KAZN: variants seen among roughly 807,000 people sequenced by gnomAD.
KAZN encodes kazrin.
KAZN carries 40 observed loss-of-function variants against 87.4 expected under a neutral mutation model. That is an observed-to-expected ratio of 0.46 (90% CI 0.36 to 0.60). The LOEUF is 0.60. Among genes scored for constraint, KAZN ranks in the 20% least tolerant of loss-of-function variants. The pLI, the probability that KAZN is intolerant of heterozygous loss-of-function variation, is 0.00. For synonymous variants in KAZN, 466 were observed against 458.3 expected (o/e 1.02, Z -0.22); for missense variants, 898 against 1,073.9 (o/e 0.84, Z 2.29).
chr1:14,383,932 T>G (rs1342635827), intron 2 of KAZN, among the ~76,000 whole-genome samples: 1 of 152,128 alleles, frequency 6.6e-6, no homozygotes, highest in Admixed American at 6.5e-5. Context: ...CAATATTGAT[T>G]CTTCCTACCC....
intron 1 of KAZN, among the ~76,000 whole-genome samples, chr1:14,031,261 A>C (rs1641316780): frequency 6.6e-6 from 1 of 152,248 alleles, no homozygotes; most frequent in Non-Finnish European, 1.5e-5. Context: ...ATAGGGACCC[A>C]CATTAATATA....
chr1:15,056,125 T>A lies in KAZN; in HGVS notation c.761T>A (p.Val254Asp), dbSNP rs1326370092. Residue 254 changes from valine to aspartate, a missense_variant, in exon 5 of 15, where the codon GTC (valine) becomes GAC (aspartate). Physicochemically the swap from Val to Asp is radical, Grantham distance 152. This residue lies in a region of KAZN where 521 missense variants were observed against 689.4 expected (regional missense o/e 0.76). Transcript: ENST00000376030. The surrounding 1 kb of genome is among the most constrained non-coding windows in gnomAD (Gnocchi z 5.4). ...TCCTTAGCTACGCTGACCAAGGACG[T>A]CCCCAAGCGGCATTCCCTCGCCATG... ...KQSLATLTKD[V>D]PKRHSLAMPG... The A allele has an allele frequency of 6.2e-7, 1 of 1,613,768 alleles. No homozygotes were observed. The highest frequency in any genetic ancestry group is 8.5e-7 in the Non-Finnish European group (1 of 1,179,696).
At chr1:14,326,995 G>T (rs1190360929) in intron 2 of KAZN, among the ~76,000 whole-genome samples, 3 of 152,096 alleles carry the variant, frequency 2.0e-5, no homozygotes, top group Non-Finnish European at 2.9e-5. Flanking sequence ...TCCAACATCA[G>T]CTCTATGAGA....
chr1:14,520,848 C>G (rs1671548574), intron 2 of KAZN, among the ~76,000 whole-genome samples: 1 of 152,176 alleles, frequency 6.6e-6, no homozygotes, highest in Non-Finnish European at 1.5e-5. Context: ...AATGAAAGAG[C>G]TGAACCAAAG....
chr1:14,645,216 G>GT (rs2148683356), intron 1 of KAZN, among the ~76,000 whole-genome samples: 1 of 152,276 alleles, frequency 6.6e-6, no homozygotes, highest in South Asian at 2.1e-4. Flanking sequence ...TTGTAGTATA[G>GT]TTTGAAGTCA....
intron 1 of KAZN, among the ~76,000 whole-genome samples, chr1:13,945,167 G>T (rs561848677): frequency 6.6e-6 from 1 of 152,234 alleles, no homozygotes; most frequent in Admixed American, 6.5e-5. Flanking sequence ...CTATCTGGAA[G>T]ATATGAATAA....
chr1:14,040,091 G>GTGC (rs1491212171), intron 1 of KAZN, among the ~76,000 whole-genome samples: 17 of 111,966 alleles, frequency 1.5e-4, no homozygotes, highest in African/African-American at 3.7e-4. Context: ...GTGTGTGTGT[G>GTGC]AGAGAGAGAG....
chr1:14,121,556 C>T (rs1041888894), intron 1 of KAZN, among the ~76,000 whole-genome samples: 5 of 152,140 alleles, frequency 3.3e-5, no homozygotes, highest in Admixed American at 2.0e-4. Context: ...CTAACAAACA[C>T]GTTTTAAAAA....
Position 15,056,511 on chromosome 1 carries a change from C to T in KAZN, c.916+231C>T, listed in dbSNP as rs894659787. 6.6e-6 allele frequency among the ~76,000 whole-genome samples: 1 copy of T among 151,896 alleles called. No individual in the cohort carries two copies. The highest frequency in any genetic ancestry group is 2.4e-5 in the African/African-American group (1 of 41,420). ...CTCTGACCGTCTCTCCATCTCTTAG[C>T]TCTGCCCACCTCCTTTTGGCCTCAT... On this transcript the variant is annotated intron_variant, in intron 5 of 14. Transcript: ENST00000376030. The surrounding 1 kb of genome is among the most constrained non-coding windows in gnomAD (Gnocchi z 5.4).
At chr1:14,989,898 A>G (rs1667185237) in intron 2 of KAZN, among the ~76,000 whole-genome samples, 1 of 152,216 alleles carries the variant, frequency 6.6e-6, no homozygotes, top group Admixed American at 6.5e-5. Flanking sequence ...TGGCTGCAGA[A>G]GGCGCTTTGC....
At position 14,514,354 on chromosome 1, in the gene KAZN, TATATATATATTTATATATATAA is replaced by T. The variant is rs1671100540; in HGVS notation, c.250-84628_250-84607del. ...AATTTATATATATATTTATATATAT[TATATATATATTTATATATATAA>T]TATATATATATTATATATATTTATA... On this transcript the variant is annotated intron_variant, in intron 2 of 16. Transcript: ENST00000636203. Among the ~76,000 whole-genome samples the T allele has an allele frequency of 1.7e-3, 19 of 10,972 alleles. 4 individuals carry two copies. Among genetic ancestry groups the T allele is most frequent in the African/African-American group, 6.0e-3 (17 of 2,840 alleles). 7.2% of individuals were successfully genotyped at this position (10,972 alleles called of 152,430 possible).
chr1:14,632,604 TCTA>T (rs1679652007), intron 1 of KAZN, among the ~76,000 whole-genome samples: 1 of 151,416 alleles, frequency 6.6e-6, no homozygotes, highest in Admixed American at 6.6e-5. Context: ...TCATTGGAAT[TCTA>T]CTCATTTTCC....
intron 2 of KAZN, among the ~76,000 whole-genome samples, chr1:14,583,790 G>A (rs1322514639): frequency 2.6e-5 from 4 of 152,144 alleles, no homozygotes; most frequent in Admixed American, 1.3e-4. Context: ...TGATGATCGC[G>A]TTTATTCCTC....
chr1:15,014,414 G>C (rs1231847026), intron 2 of KAZN, among the ~76,000 whole-genome samples: 1 of 152,110 alleles, frequency 6.6e-6, no homozygotes, highest in Admixed American at 6.5e-5. Flanking sequence ...GCGGAGGCTG[G>C]GTATGGTTAT....
chr1:13,972,298 C>G, intron 1 of KAZN, among the ~76,000 whole-genome samples: 1 of 140,508 alleles, frequency 7.1e-6, no homozygotes, highest in Non-Finnish European at 1.5e-5. Flanking sequence ...TTTTGAGACA[C>G]AGTCTTGCTT....
At position 14,692,670 on chromosome 1, in the gene KAZN, G is replaced by A. The variant is rs116247107; in HGVS notation, c.226+93447G>A. The A allele has an allele frequency of 5.7e-3, 874 of 152,530 alleles. 6 individuals carry two copies. Among genetic ancestry groups the A allele is most frequent in the Non-Finnish European group, 8.9e-3 (605 of 68,180 alleles). The allele number at this position is 152,530 out of a possible 1,614,324, so 9.4% of individuals were successfully genotyped here. ...GCAGAGGCTGGGTGCAGTGCCTCAC[G>A]CCTGTAATCCCAATGCTTTGGGAGG... On this transcript the variant is annotated intron_variant, in intron 1 of 14. Coordinates refer to ENST00000376030, the MANE Select transcript of KAZN (RefSeq NM_201628.3).
Position 14,735,091 on chromosome 1 carries a change from G to A in KAZN, c.226+135868G>A, listed in dbSNP as rs1439060748. On this transcript the variant is annotated intron_variant, in intron 1 of 14. Transcript: ENST00000376030. This position sits in a 1 kb window ranked among gnomAD's most constrained non-coding sequence, Gnocchi z 4.3. ...TTGTTTTGTTTTGAGACGGAGTCTCGCTCTTTCGCCCAGGCCGGACTGTAG... is the reference window on the plus strand; with the variant it reads ...TTGTTTTGTTTTGAGACGGAGTCTCACTCTTTCGCCCAGGCCGGACTGTAG... Among the ~76,000 whole-genome samples, 3 of 151,892 alleles carry A rather than the reference G, an allele frequency of 2.0e-5. No homozygotes were observed. Among genetic ancestry groups the A allele is most frequent in the Middle Eastern group, 3.4e-3 (1 of 292 alleles).
In KAZN at chr1:14,883,355, AAAAGAAAGAAAG is replaced by A. The variant is rs1244741160; in HGVS notation, c.227-77269_227-77258del. On this transcript the variant is annotated intron_variant, in intron 1 of 14. Coordinates refer to ENST00000376030, the MANE Select transcript of KAZN (RefSeq NM_201628.3). ...GAGAGAGAGAGAGAAAGAAAGAAAG[AAAAGAAAGAAAG>A]AAAGAAAGAAAGAAAGAAAGAAAGA... is the stretch of plus-strand genomic sequence containing the variant. 8.1e-3 allele frequency among the ~76,000 whole-genome samples: 166 copies of A among 20,620 alleles called. 17 individuals carry two copies. The highest frequency in any genetic ancestry group is 0.019 in the Middle Eastern group (1 of 54). 13.5% of individuals were successfully genotyped at this position (20,620 alleles called of 152,430 possible).
chr1:13,932,816 A>G (rs1640578439), intron 1 of KAZN, among the ~76,000 whole-genome samples: 1 of 152,232 alleles, frequency 6.6e-6, no homozygotes, highest in Non-Finnish European at 1.5e-5. Context: ...GGAGGTTGTC[A>G]CGCATGTATC....
Sources: allele counts gnomAD v4.1 joint callset (sites outside exome capture counted in the v4.1 genomes callset), GRCh38; gene constraint gnomAD v4.1.1; regional missense constraint gnomAD v4.1.1; non-coding constraint Gnocchi (gnomAD v3.1); transcripts MANE v1.5; gene names NCBI Gene and HGNC (gene_info 2026-07-23, HGNC 2026-07-21).